The following MALRD1 variants were observed in gnomAD, a reference collection of about 807,000 sequenced individuals.
MALRD1 encodes MAM and LDL-receptor class A domain-containing protein 1.
Under a neutral mutation model 242.1 loss-of-function variants are expected in MALRD1, and 247 were observed. That is an observed-to-expected ratio of 1.02 (90% confidence interval 0.92 to 1.13). The LOEUF is 1.13. Ranked by LOEUF, MALRD1 falls within the 50% of genes most tolerant of loss-of-function variation. The pLI is 0.00. For synonymous variants in MALRD1, 995 were observed against 866.6 expected (o/e 1.15, Z -2.60); for missense variants, 2,989 against 2,533.1 (o/e 1.18, Z -3.86).
At chr10:19,293,568 TTAAC>T (rs2131930614) in intron 21 of MALRD1, among the ~76,000 whole-genome samples, 1 of 152,310 alleles carries the variant, frequency 6.6e-6, no homozygotes, top group South Asian at 2.1e-4. Flanking sequence ...TTTTTAAAAA[TTAAC>T]TAGAAAAGAA....
At chr10:19,525,913 A>G (rs11010247) in intron 31 of MALRD1, among the ~76,000 whole-genome samples, 33,200 of 152,092 alleles carry the variant, frequency 0.22, 4,406 homozygotes, top group African/African-American at 0.37. Flanking sequence ...AAAACAGTCC[A>G]AAATCAAACA....
At chr10:19,181,378 TA>T (rs1216363497) in intron 14 of MALRD1, among the ~76,000 whole-genome samples, 4 of 152,130 alleles carry the variant, frequency 2.6e-5, no homozygotes, top group African/African-American at 9.7e-5. Context: ...TATTCAGCCT[TA>T]AAAAAAGAGA....
chr10:19,220,283 T>C (rs906459253), intron 18 of MALRD1, among the ~76,000 whole-genome samples: 6 of 152,130 alleles, frequency 3.9e-5, no homozygotes, highest in African/African-American at 1.4e-4. Context: ...AGGAGTCATA[T>C]TCCAAGAGGG....
chr10:19,611,494 C>A (rs989943475), intron 35 of MALRD1, among the ~76,000 whole-genome samples: 3 of 151,982 alleles, frequency 2.0e-5, no homozygotes, highest in Non-Finnish European at 4.4e-5. Flanking sequence ...TCTGTGTAAT[C>A]AGTTGTGAAT....
At chr10:19,598,632 T>A (rs776983766) in intron 34 of MALRD1, among the ~76,000 whole-genome samples, 3 of 152,000 alleles carry the variant, frequency 2.0e-5, no homozygotes, top group Non-Finnish European at 4.4e-5. Context: ...CTGAGACCCA[T>A]GCACATGAAA....
At chr10:19,099,491 A>G (rs556183986) in intron 4 of MALRD1, among the ~76,000 whole-genome samples, 2 of 152,154 alleles carry the variant, frequency 1.3e-5, no homozygotes, top group South Asian at 4.1e-4. Flanking sequence ...TTTCATGTTC[A>G]CTGTTGGATT....
At chr10:19,230,858 A>C (rs1838022375) in intron 18 of MALRD1, among the ~76,000 whole-genome samples, 1 of 152,202 alleles carries the variant, frequency 6.6e-6, no homozygotes, top group South Asian at 2.1e-4. Flanking sequence ...GTTAATATAT[A>C]GATTTTATTT....
intron 10 of MALRD1, among the ~76,000 whole-genome samples, chr10:19,141,181 T>G (rs1315094877): frequency 6.6e-6 from 1 of 152,164 alleles, no homozygotes. Flanking sequence ...AAGATACACG[T>G]TGGATCCCTG....
intron 29 of MALRD1, among the ~76,000 whole-genome samples, chr10:19,460,985 G>A (rs548042855): frequency 2.0e-5 from 3 of 152,222 alleles, no homozygotes; most frequent in Admixed American, 2.0e-4. Flanking sequence ...TCAAAATCAT[G>A]GACCAATCAA....
intron 19 of MALRD1, among the ~76,000 whole-genome samples, chr10:19,274,258 G>C (rs1840394779): frequency 6.6e-6 from 1 of 152,140 alleles, no homozygotes; most frequent in Non-Finnish European, 1.5e-5. Flanking sequence ...TAAAGAAAAT[G>C]TGGTATATAC....
intron 19 of MALRD1, among the ~76,000 whole-genome samples, chr10:19,267,083 A>G (rs16918444): frequency 0.015 from 2,315 of 152,214 alleles, 63 homozygotes; most frequent in African/African-American, 0.053. Context: ...AAGGATTAAT[A>G]GTGAGATAGC....
intron 5 of MALRD1, among the ~76,000 whole-genome samples, chr10:19,118,485 T>C (rs865954599): frequency 1.3e-5 from 2 of 152,172 alleles, no homozygotes; most frequent in South Asian, 4.1e-4. Context: ...TGGTTGACCA[T>C]TGGTTGAGTT....
chr10:19,308,136 A>G (rs1842295375), intron 21 of MALRD1, among the ~76,000 whole-genome samples: 3 of 150,930 alleles, frequency 2.0e-5, no homozygotes, highest in African/African-American at 7.3e-5. Context: ...GTTTCTTTCT[A>G]TTTTTTTTAT....
chr10:19,548,920 G>A (rs1047791506), intron 32 of MALRD1, among the ~76,000 whole-genome samples: 13 of 152,198 alleles, frequency 8.5e-5, no homozygotes, highest in Admixed American at 3.3e-4. Context: ...AAAGCTAGAC[G>A]TCTTGCTCCA....
chr10:19,230,278 G>T (rs772770806), intron 18 of MALRD1, among the ~76,000 whole-genome samples: 8 of 152,064 alleles, frequency 5.3e-5, no homozygotes, highest in African/African-American at 1.9e-4. Flanking sequence ...TAGCCCATTT[G>T]CATTGTTATA....
intron 18 of MALRD1, among the ~76,000 whole-genome samples, chr10:19,217,794 G>T (rs1357735108): frequency 6.6e-6 from 1 of 152,010 alleles, no homozygotes; most frequent in Non-Finnish European, 1.5e-5. Context: ...AAAGTGCTGG[G>T]ATTACAGGCA....
At chr10:19,235,873 C>G (rs1224542188) in intron 18 of MALRD1, among the ~76,000 whole-genome samples, 2 of 151,924 alleles carry the variant, frequency 1.3e-5, no homozygotes, top group African/African-American at 4.8e-5. Context: ...ATTTCAAACC[C>G]TTGAAGCTTC....
intron 28 of MALRD1, among the ~76,000 whole-genome samples, chr10:19,402,393 T>G (rs939073786): frequency 6.6e-6 from 1 of 152,172 alleles, no homozygotes; most frequent in Non-Finnish European, 1.5e-5. Flanking sequence ...ATTTCCCCTG[T>G]ACTGTTCTCT....
intron 18 of MALRD1, among the ~76,000 whole-genome samples, chr10:19,227,338 C>G (rs908187373): frequency 2.0e-5 from 3 of 151,890 alleles, no homozygotes; most frequent in African/African-American, 4.8e-5. Flanking sequence ...ATATATCCAG[C>G]CTTACATGGC....
Sources: allele counts gnomAD v4.1 joint callset (sites outside exome capture counted in the v4.1 genomes callset), GRCh38; gene constraint gnomAD v4.1.1; transcripts MANE v1.5; gene names NCBI Gene and HGNC (gene_info 2026-07-23, HGNC 2026-07-21).